The following USP28 variants were observed in gnomAD, a reference collection of about 807,000 sequenced individuals.
USP28 encodes the protein ubiquitin carboxyl-terminal hydrolase 28.
Under a neutral mutation model 145.0 loss-of-function variants are expected in USP28, and 113 were observed. The ratio of observed to expected loss-of-function variants is 0.78; its 90% CI spans 0.67 to 0.91. USP28 has a LOEUF of 0.91. USP28 is among the 40% of genes least tolerant of loss of function. USP28 has a pLI of 0.00. For synonymous variants in USP28, 447 were observed against 450.9 expected, an observed-to-expected ratio of 0.99 and a Z score of 0.11; for missense variants, 1,201 against 1,289.6, an observed-to-expected ratio of 0.93 and a Z score of 1.05.
chr11:113,815,054 CG>C (rs1281638106), intron 14 of USP28, 119 bp downstream of exon 14: 6 of 878,862 alleles, frequency 6.8e-6, no homozygotes, highest in Non-Finnish European at 1.0e-5. Flanking sequence ...TCCATCTCGG[CG>C]GGGGGGAAAT....
chr11:113,872,481 C>G (rs373675464), intron 1 of USP28, among the ~76,000 whole-genome samples: 46 of 146,100 alleles, frequency 3.1e-4, no homozygotes, highest in Admixed American at 2.9e-3. Flanking sequence ...AGCGAGACTC[C>G]GTCTCAAAAA....
intron 1 of USP28, among the ~76,000 whole-genome samples, chr11:113,870,766 G>A (rs1472582966): frequency 6.6e-6 from 1 of 152,240 alleles, no homozygotes; most frequent in Admixed American, 6.5e-5. Context: ...TGTCAGCTAA[G>A]AGTTAGTCTT....
chr11:113,799,491 C>A, intron 24 of USP28, 76 bp from the exon 26 acceptor site: 1 of 1,482,322 alleles, frequency 6.7e-7, no homozygotes, highest in Non-Finnish European at 9.1e-7. Context: ...CTTCTATTAG[C>A]CCCTTACCTA....
At chr11:113,853,411 G>A (rs1244608342) in intron 2 of USP28, among the ~76,000 whole-genome samples, 1 of 151,006 alleles carries the variant, frequency 6.6e-6, no homozygotes, top group African/African-American at 2.4e-5. Flanking sequence ...TATATACCAG[G>A]AAAGGGAATA....
At chr11:113,815,793 T>C (rs1384741859) in intron 13 of USP28, among the ~76,000 whole-genome samples, 3 of 152,094 alleles carry the variant, frequency 2.0e-5, no homozygotes, top group Admixed American at 2.0e-4. Flanking sequence ...AGGAATCAAC[T>C]ACAGAGTTTA....
chr11:113,800,218 G>A (rs1335715207), intron 24 of USP28, among the ~76,000 whole-genome samples: 1 of 152,074 alleles, frequency 6.6e-6, no homozygotes, highest in East Asian at 1.9e-4. Flanking sequence ...TGTGAGCCAG[G>A]ATGGTCTCCA....
chr11:113,809,231 G>C (rs1044353215), exon 17 of USP28: 3 of 1,614,086 alleles, frequency 1.9e-6, no homozygotes, highest in Non-Finnish European at 8.5e-7. Context: ...TCTGACATTT[G>C]ATCTGATTCA....
chr11:113,827,205 G>A (rs775846692), intron 11 of USP28, 28 bp downstream of exon 11: 510 of 1,186,748 alleles, frequency 4.3e-4, no homozygotes, highest in Middle Eastern at 3.2e-3. Context: ...AATACCTCAG[G>A]AAAAAAAAAA....
At chr11:113,815,957 C>T (rs1160332806) in intron 13 of USP28, among the ~76,000 whole-genome samples, 1 of 152,188 alleles carries the variant, frequency 6.6e-6, no homozygotes, top group Non-Finnish European at 1.5e-5. Flanking sequence ...GTCAAACAAT[C>T]CTAGCTCTAC....
At chr11:113,837,083 C>A (rs1944644763) in intron 5 of USP28, among the ~76,000 whole-genome samples, 1 of 152,226 alleles carries the variant, frequency 6.6e-6, no homozygotes, top group Admixed American at 6.5e-5. Context: ...CCCACCTCTC[C>A]TGCAGTTCCA....
At chr11:113,851,945 T>A (rs539290990) in intron 3 of USP28, among the ~76,000 whole-genome samples, 6 of 152,376 alleles carry the variant, frequency 3.9e-5, no homozygotes, top group Non-Finnish European at 7.3e-5. Context: ...ACAAGCTAAA[T>A]GCAGGCAGGG....
At chr11:113,874,903 G>C in intron 1 of USP28, 1 of 1,002,078 alleles carries the variant, frequency 1.0e-6, no homozygotes. Flanking sequence ...GGCAATAATT[G>C]GGGAGGCTGC....
At chr11:113,875,217 C>T (rs1007977390) in intron 1 of USP28, among the ~76,000 whole-genome samples, 2 of 152,138 alleles carry the variant, frequency 1.3e-5, no homozygotes, top group Admixed American at 1.3e-4. Context: ...TCTGGAAATC[C>T]CCCTACAACT....
chr11:113,837,607 C>T (rs1944715862), intron 5 of USP28, among the ~76,000 whole-genome samples: 1 of 152,186 alleles, frequency 6.6e-6, no homozygotes, highest in African/African-American at 2.4e-5. Context: ...CCCTAACAAT[C>T]AGTTCCTTCC....
chr11:113,841,736 C>A lies in USP28; in HGVS notation c.301G>T (p.Asp101Tyr), dbSNP rs769596182. The A allele has an allele frequency of 1.9e-6, 3 of 1,613,362 alleles. No homozygotes were observed. The highest frequency in any genetic ancestry group is 2.5e-6 in the Non-Finnish European group (3 of 1,179,590). ...CTCAAAGCAATGGCAGCCTGAAGATCATCTTTGTTATCATGAGTAAGGTCT... is the reference window on the plus strand; with the variant it reads ...CTCAAAGCAATGGCAGCCTGAAGATAATCTTTGTTATCATGAGTAAGGTCT... Residue 101 changes from aspartate to tyrosine, a missense_variant, in exon 4 of 25, where the codon GAT becomes TAT. Physicochemically the swap from Asp to Tyr is radical, Grantham distance 160. Transcript: ENST00000003302.
At chr11:113,850,210 G>T (rs1192604201) in intron 3 of USP28, among the ~76,000 whole-genome samples, 1 of 152,048 alleles carries the variant, frequency 6.6e-6, no homozygotes, top group Non-Finnish European at 1.5e-5. Flanking sequence ...TACCTATAAA[G>T]TTGAAGATAA....
At chr11:113,873,256 T>C (rs1481676084) in intron 1 of USP28, among the ~76,000 whole-genome samples, 1 of 152,352 alleles carries the variant, frequency 6.6e-6, no homozygotes, top group Non-Finnish European at 1.5e-5. Context: ...TCCTGGTAAC[T>C]TGAAGCATTT....
At chr11:113,842,966 C>T (rs1945372591) in intron 3 of USP28, among the ~76,000 whole-genome samples, 1 of 152,076 alleles carries the variant, frequency 6.6e-6, no homozygotes, top group Non-Finnish European at 1.5e-5. Flanking sequence ...CATGGTGGCT[C>T]ACGCCTTTAA....
intron 12 of USP28, among the ~76,000 whole-genome samples, chr11:113,820,062 TCAAGGTCATTGC>T (rs1414611812): frequency 2.0e-5 from 3 of 152,222 alleles, no homozygotes; most frequent in Admixed American, 6.5e-5. Flanking sequence ...ATCCTACTGC[TCAAGGTCATTGC>T]CAAGGTCTTA....
Sources: allele counts gnomAD v4.1 joint callset (sites outside exome capture counted in the v4.1 genomes callset), GRCh38; gene constraint gnomAD v4.1.1; transcripts MANE v1.5; gene names NCBI Gene and HGNC (gene_info 2026-07-23, HGNC 2026-07-21).